CSMD1: variants seen among roughly 807,000 people sequenced by gnomAD.
The protein encoded by CSMD1 is CUB and Sushi multiple domains 1, also known as CUB and sushi domain-containing protein 1.
Under a neutral mutation model 417.5 loss-of-function variants are expected in CSMD1, and 213 were observed. That is an observed-to-expected ratio of 0.51 (90% CI 0.46 to 0.57). The LOEUF is 0.57. CSMD1 is among the 20% of genes least tolerant of loss of function. The pLI is 0.00. For missense variants in CSMD1, 6,923 were observed against 4,529.7 expected, an observed-to-expected ratio of 1.53 and a Z score of -15.17; for synonymous variants, 2,862 against 1,736.8, an observed-to-expected ratio of 1.65 and a Z score of -16.11.
At chr8:3,635,456 C>G (rs926102649) in intron 7 of CSMD1, among the ~76,000 whole-genome samples, 2 of 151,030 alleles carry the variant, frequency 1.3e-5, no homozygotes, top group African/African-American at 2.4e-5. Context: ...TACACTCCAG[C>G]CTGGGCAATG....
chr8:4,461,667 C>G (rs1399822472), intron 2 of CSMD1, among the ~76,000 whole-genome samples: 1 of 150,940 alleles, frequency 6.6e-6, no homozygotes. Flanking sequence ...CCTCCCACCT[C>G]AGCCTGCTGT....
intron 37 of CSMD1, among the ~76,000 whole-genome samples, chr8:3,172,366 T>A (rs894288677): frequency 6.6e-6 from 1 of 152,124 alleles, no homozygotes; most frequent in Non-Finnish European, 1.5e-5. Context: ...TGACTAATGC[T>A]CATTTTTTTT....
intron 25 of CSMD1, among the ~76,000 whole-genome samples, chr8:3,296,246 G>C (rs926355155): frequency 2.6e-5 from 4 of 151,774 alleles, no homozygotes; most frequent in East Asian, 2.0e-4. Context: ...GGAGTTAAGG[G>C]TGTTTGTCGC....
intron 8 of CSMD1, among the ~76,000 whole-genome samples, chr8:3,612,745 G>C (rs188841737): frequency 1.3e-5 from 2 of 152,124 alleles, no homozygotes; most frequent in Admixed American, 1.3e-4. Context: ...TGAAAACACA[G>C]CATATCAAAA....
chr8:3,111,781 G>T (rs568835879), intron 42 of CSMD1, among the ~76,000 whole-genome samples: 13 of 152,012 alleles, frequency 8.6e-5, no homozygotes, highest in Non-Finnish European at 1.3e-4. Flanking sequence ...GTAGTAAGCC[G>T]AGATTGTGCC....
chr8:4,186,059 C>T (rs1262815909), intron 3 of CSMD1, among the ~76,000 whole-genome samples: 1 of 152,110 alleles, frequency 6.6e-6, no homozygotes, highest in East Asian at 1.9e-4. Context: ...CTGGATTCTG[C>T]ACGTGTGGAA....
At chr8:3,398,831 C>G (rs1156507251) in intron 16 of CSMD1, among the ~76,000 whole-genome samples, 1 of 152,160 alleles carries the variant, frequency 6.6e-6, no homozygotes, top group African/African-American at 2.4e-5. Flanking sequence ...ACCTACGCAG[C>G]CCAGCATGCT....
rs545629189 is a variant in CSMD1 at position 4,409,791 on chromosome 8, G to A, written c.415+10162C>T. ...GAGAATGTAATATCATACATAATTT[G>A]GAAGAAATAACAATACCGTACTTTT... On this transcript the variant is annotated intron_variant, in intron 3 of 69. Coordinates refer to ENST00000635120, the MANE Select transcript of CSMD1 (RefSeq NM_033225.6). Among the ~76,000 whole-genome samples the A allele has an allele frequency of 7.9e-5, 12 of 152,066 alleles. No individual in the cohort carries two copies. In the East Asian group the frequency reaches 1.9e-3, roughly 25 times the overall value.
intron 5 of CSMD1, among the ~76,000 whole-genome samples, chr8:3,891,356 G>C (rs1003075101): frequency 1.3e-5 from 2 of 152,072 alleles, no homozygotes; most frequent in African/African-American, 2.4e-5. Flanking sequence ...ATCCTGAGCA[G>C]GTTCTTGAAA....
intron 37 of CSMD1, among the ~76,000 whole-genome samples, chr8:3,173,938 T>C (rs1374672653): frequency 6.6e-6 from 1 of 152,224 alleles, no homozygotes; most frequent in Non-Finnish European, 1.5e-5. Context: ...ATGTTGAGTA[T>C]GTTTCATTTC....
chr8:3,187,768 G>C, intron 36 of CSMD1, 101 bp downstream of exon 36: 6 of 822,432 alleles, frequency 7.3e-6, no homozygotes, highest in Admixed American at 2.1e-5. Context: ...GAAGAATTGT[G>C]TAGGAAAATT....
At chr8:3,043,850 T>G (rs1396691395) in intron 50 of CSMD1, 1 of 152,402 alleles carries the variant, frequency 6.6e-6, no homozygotes, top group African/African-American at 2.4e-5. Context: ...AAAATGCAAT[T>G]TGTTCTCTAA....
At chr8:3,067,072 A>G (rs2128996575) in intron 49 of CSMD1, among the ~76,000 whole-genome samples, 1 of 117,712 alleles carries the variant, frequency 8.5e-6, no homozygotes, top group East Asian at 1.9e-4. Flanking sequence ...CCAGGTGCTA[A>G]GCCTGGGGCC....
At position 3,725,227 on chromosome 8, in the gene CSMD1, T is replaced by C. The variant is rs76596705; in HGVS notation, c.932-16736A>G. 2.8e-3 allele frequency among the ~76,000 whole-genome samples: 426 copies of C among 152,134 alleles called. 1 individual carries two copies. Among genetic ancestry groups the C allele is most frequent in the African/African-American group, 6.9e-3 (287 of 41,512 alleles). ...GAAAGTGAAAAGAGATTAGTGTTGC[T>C]AGGAAGGCCCTCAAGGTGTGGGTTG... On this transcript the variant is annotated intron_variant, in intron 6 of 69. Coordinates refer to ENST00000635120, the MANE Select transcript of CSMD1 (RefSeq NM_033225.6).
At chr8:4,057,917 T>C in intron 3 of CSMD1, among the ~76,000 whole-genome samples, 1 of 151,848 alleles carries the variant, frequency 6.6e-6, no homozygotes, top group Non-Finnish European at 1.5e-5. Flanking sequence ...ACCAGTACCA[T>C]GCTGTTTTGG....
intron 3 of CSMD1, among the ~76,000 whole-genome samples, chr8:4,256,002 G>A (rs550447721): frequency 9.9e-5 from 15 of 152,256 alleles, no homozygotes; most frequent in African/African-American, 3.6e-4. Flanking sequence ...GGTAGAGAGG[G>A]TTATCTCATA....
intron 38 of CSMD1, among the ~76,000 whole-genome samples, chr8:3,158,957 C>T (rs868495383): frequency 6.6e-6 from 1 of 152,164 alleles, no homozygotes; most frequent in Non-Finnish European, 1.5e-5. Flanking sequence ...AGCTCTCAAA[C>T]ATTTCATACT....
At chr8:4,374,017 C>T (rs1802559290) in intron 3 of CSMD1, among the ~76,000 whole-genome samples, 1 of 152,156 alleles carries the variant, frequency 6.6e-6, no homozygotes, top group African/African-American at 2.4e-5. Context: ...GAAATTAAGA[C>T]AGAATTCTCA....
chr8:4,294,759 A>T (rs1235847799), intron 3 of CSMD1, among the ~76,000 whole-genome samples: 1 of 152,086 alleles, frequency 6.6e-6, no homozygotes, highest in Non-Finnish European at 1.5e-5. Context: ...GACTTTCTAA[A>T]TTTATTTGTA....
Sources: allele counts gnomAD v4.1 joint callset (sites outside exome capture counted in the v4.1 genomes callset), GRCh38; gene constraint gnomAD v4.1.1; transcripts MANE v1.5; gene names NCBI Gene and HGNC (gene_info 2026-07-23, HGNC 2026-07-21).